The following FNDC3B variants were observed in gnomAD, a reference collection of about 807,000 sequenced individuals.
FNDC3B encodes fibronectin type III domain-containing protein 3B.
FNDC3B carries 12 observed loss-of-function variants against 151.5 expected under a neutral mutation model. That is an observed-to-expected ratio of 0.08 (90% CI 0.05 to 0.13). The LOEUF (loss-of-function observed/expected upper bound fraction) is 0.13. Among genes scored for constraint, FNDC3B ranks in the 10% least tolerant of loss-of-function variants. The pLI is 1.00. For synonymous variants in FNDC3B, 528 were observed against 549.0 expected (o/e 0.96, Z 0.54); for missense variants, 1,214 against 1,505.3 (o/e 0.81, Z 3.20).
chr3:172,297,695 C>T lies in FNDC3B; in HGVS notation c.1002-1033C>T, dbSNP rs192764534. Among the ~76,000 whole-genome samples, 486 of 152,112 alleles carry T rather than the reference C, an allele frequency of 3.2e-3. 14 individuals are homozygous for T. Among genetic ancestry groups the T allele is most frequent in the Admixed American group, 0.029 (442 of 15,278 alleles). ...TTCACCGTGTTAGCCAGGATGGTCTCGATCTCCTGACCTCGTGATCCGCCC... is the reference window on the plus strand; with the variant it reads ...TTCACCGTGTTAGCCAGGATGGTCTTGATCTCCTGACCTCGTGATCCGCCC... On this transcript the variant is annotated intron_variant, in intron 8 of 25. Transcript: ENST00000415807.
In FNDC3B at chr3:172,135,133, T is replaced by C. The variant is rs570465017; in HGVS notation, c.187+1587T>C. 4.6e-5 allele frequency among the ~76,000 whole-genome samples: 7 copies of C among 152,304 alleles called. No homozygotes were observed. In the South Asian group the frequency reaches 1.4e-3, roughly 32 times the overall value. ...CCCATTAATTGGCTAGTACATAATG[T>C]CCCTCTACAACTGAGTGTGTGTAAT... On this transcript the variant is annotated intron_variant, in intron 3 of 25. Transcript: ENST00000415807.
intron 1 of FNDC3B, among the ~76,000 whole-genome samples, chr3:172,088,645 T>C (rs188973304): frequency 1.3e-5 from 2 of 152,328 alleles, no homozygotes; most frequent in African/African-American, 2.4e-5. Flanking sequence ...TCAATGACAA[T>C]ACTTATCCTA....
At chr3:172,233,370 A>G (rs4364195) in intron 4 of FNDC3B, among the ~76,000 whole-genome samples, 38,964 of 152,126 alleles carry the variant, frequency 0.26, 5,150 homozygotes, top group East Asian at 0.44. Flanking sequence ...GCATTGGATT[A>G]TTTTGGGGAT....
At chr3:172,108,293 T>A (rs6768163) in intron 1 of FNDC3B, among the ~76,000 whole-genome samples, 1 of 152,060 alleles carries the variant, frequency 6.6e-6, no homozygotes, top group Non-Finnish European at 1.5e-5. Context: ...TAAACTGTCC[T>A]GAAATCCCTA....
chr3:172,304,203 T>G (rs145154006), intron 9 of FNDC3B, among the ~76,000 whole-genome samples: 81 of 152,224 alleles, frequency 5.3e-4, no homozygotes, highest in African/African-American at 1.8e-3. Context: ...CCACTAAAAA[T>G]GAACAAAGAA....
chr3:172,387,352 C>T (rs1171244333), intron 25 of FNDC3B, among the ~76,000 whole-genome samples: 2 of 152,118 alleles, frequency 1.3e-5, no homozygotes, highest in Non-Finnish European at 2.9e-5. Context: ...CCCGCCTCAC[C>T]CTCCCAAAGT....
rs199864393 is a variant in FNDC3B, at chr3:172,226,305, C to CAAAA, written c.188-551_188-548dup. On this transcript the variant is annotated intron_variant, in intron 3 of 25. Coordinates refer to ENST00000415807, the MANE Select transcript of FNDC3B (RefSeq NM_022763.4). ...TGGTGACAAGTGCGAAACTCTGTCT[C>CAAAA]AAAAAAAAAAAAAAAAAATGTATTC... is the stretch of plus-strand genomic sequence containing the variant. Among the ~76,000 whole-genome samples, 12 of 119,644 alleles carry CAAAA rather than the reference C, an allele frequency of 1.0e-4. No individual in the cohort carries two copies. The South Asian group carries it at 3.0e-3, about 30-fold the overall frequency. 78.5% of individuals were successfully genotyped at this position (119,644 alleles called of 152,430 possible).
chr3:172,230,108 A>T (rs1014851859), intron 4 of FNDC3B, among the ~76,000 whole-genome samples: 2 of 152,220 alleles, frequency 1.3e-5, no homozygotes, highest in African/African-American at 4.8e-5. Flanking sequence ...TTGTATATGT[A>T]ACACCGAAAG....
At chr3:172,090,870 G>T (rs972846962) in intron 1 of FNDC3B, among the ~76,000 whole-genome samples, 1 of 152,064 alleles carries the variant, frequency 6.6e-6, no homozygotes, top group African/African-American at 2.4e-5. Flanking sequence ...TTATCTTCAG[G>T]TTATGTGTAT....
intron 3 of FNDC3B, among the ~76,000 whole-genome samples, chr3:172,194,097 G>C (rs768433009): frequency 6.6e-6 from 1 of 152,102 alleles, no homozygotes; most frequent in Non-Finnish European, 1.5e-5. Context: ...GCGGGCGCCT[G>C]TAGTCCCAGC....
chr3:172,313,156 TCCA>T (rs57270291), intron 11 of FNDC3B, among the ~76,000 whole-genome samples: 9,326 of 152,198 alleles, frequency 0.061, 1,012 homozygotes, highest in African/African-American at 0.21. Flanking sequence ...TCGACTCTCA[TCCA>T]CCATGGATCT....
At chr3:172,140,797 G>T (rs1260370169) in intron 3 of FNDC3B, among the ~76,000 whole-genome samples, 2 of 152,216 alleles carry the variant, frequency 1.3e-5, no homozygotes, top group Non-Finnish European at 2.9e-5. Context: ...GGTACTCAGG[G>T]TATATGCTGC....
chr3:172,194,581 T>G (rs1477656886), intron 3 of FNDC3B, among the ~76,000 whole-genome samples: 1 of 152,168 alleles, frequency 6.6e-6, no homozygotes, highest in Non-Finnish European at 1.5e-5. Context: ...AAATACTCAT[T>G]GAAAAGAATA....
At chr3:172,173,683 T>A (rs1158365123) in intron 3 of FNDC3B, among the ~76,000 whole-genome samples, 2 of 150,684 alleles carry the variant, frequency 1.3e-5, no homozygotes, top group Admixed American at 1.3e-4. Flanking sequence ...TAGCCAGGCA[T>A]AGTGGTGCAT....
chr3:172,062,554 G>A (rs1009270054), intron 1 of FNDC3B, among the ~76,000 whole-genome samples: 4 of 152,030 alleles, frequency 2.6e-5, no homozygotes, highest in Admixed American at 1.3e-4. Flanking sequence ...AAAGTGCTGC[G>A]ATTACAGGCG....
chr3:172,131,346 T>G (rs1043289041), intron 2 of FNDC3B, among the ~76,000 whole-genome samples: 1 of 150,110 alleles, frequency 6.7e-6, no homozygotes, highest in Admixed American at 6.7e-5. Flanking sequence ...TGAGCTGAGA[T>G]CGCGCCATTG....
intron 3 of FNDC3B, among the ~76,000 whole-genome samples, chr3:172,177,525 A>G (rs1723658660): frequency 6.6e-6 from 1 of 151,808 alleles, no homozygotes; most frequent in South Asian, 2.1e-4. Flanking sequence ...ATAGAGATGG[A>G]AAGATTCATG....
intron 3 of FNDC3B, among the ~76,000 whole-genome samples, chr3:172,166,588 C>G (rs895618846): frequency 6.6e-6 from 1 of 152,090 alleles, no homozygotes; most frequent in Non-Finnish European, 1.5e-5. Context: ...GCTAAAGAAT[C>G]GAGACCTGTA....
chr3:172,392,486 C>T (rs1364642705), intron 25 of FNDC3B, among the ~76,000 whole-genome samples: 1 of 152,120 alleles, frequency 6.6e-6, no homozygotes, highest in Non-Finnish European at 1.5e-5. Flanking sequence ...ACCAGGTGAA[C>T]ATTGGAAGCC....
Sources: allele counts gnomAD v4.1 joint callset (sites outside exome capture counted in the v4.1 genomes callset), GRCh38; gene constraint gnomAD v4.1.1; transcripts MANE v1.5; gene names NCBI Gene and HGNC (gene_info 2026-07-23, HGNC 2026-07-21).